Variants in SLC28A3 observed in about 807,000 individuals in gnomAD.
The protein encoded by SLC28A3 is solute carrier family 28 member 3.
SLC28A3 carries 68 observed loss-of-function variants against 84.2 expected under a neutral mutation model. The ratio of observed to expected loss-of-function variants is 0.81; its 90% CI spans 0.66 to 0.99. The LOEUF (loss-of-function observed/expected upper bound fraction) is 0.99, where lower values mean the gene tolerates loss of function less well. Ranked by LOEUF, SLC28A3 falls within the 50% of genes least tolerant of loss-of-function variation. SLC28A3 has a pLI of 0.00. For synonymous variants in SLC28A3, 267 were observed against 303.6 expected (o/e 0.88, Z 1.25); for missense variants, 712 against 841.5 (o/e 0.85, Z 1.90).
rs780637630 is a variant in SLC28A3 at position 84,288,029 on chromosome 9, G to T, written c.1280+19C>A. 6.2e-6 allele frequency: 10 copies of T among 1,613,390 alleles called. No homozygotes were observed. The Admixed American group carries it at 1.3e-4, about 22-fold the overall frequency. ...CCCGGCTTGGGTAGTCATTAATTAG[G>T]TGAATGTGTCACACTTACCCACTTT... On this transcript the variant is annotated intron_variant, in intron 12 of 17. Transcript: ENST00000376238.
intron 4 of SLC28A3, among the ~76,000 whole-genome samples, chr9:84,304,766 A>G (rs1469567574): frequency 6.6e-6 from 1 of 152,240 alleles, no homozygotes; most frequent in Non-Finnish European, 1.5e-5. Context: ...TCACGCTTGT[A>G]ATCCCAGTAC....
chr9:84,367,673 A>G, the SLC28A3 span, among the ~76,000 whole-genome samples: 2 of 152,188 alleles, frequency 1.3e-5, no homozygotes, highest in Non-Finnish European at 2.9e-5. Context: ...GCAGGAGAAC[A>G]GAGTGATGAT....
At chr9:84,331,613 C>T (rs924877568) in intron 1 of SLC28A3, among the ~76,000 whole-genome samples, 3 of 152,142 alleles carry the variant, frequency 2.0e-5, no homozygotes, top group Non-Finnish European at 4.4e-5. Flanking sequence ...CTAGTCCTCT[C>T]CCAAGACTTT....
intron 2 of SLC28A3, 73 bp downstream of exon 2, chr9:84,313,286 C>T (rs1826052332): frequency 2.3e-6 from 3 of 1,320,308 alleles, no homozygotes; most frequent in Middle Eastern, 4.4e-4. Flanking sequence ...GCTTTCTGTG[C>T]CCACTGTTCT....
intron 1 of SLC28A3, among the ~76,000 whole-genome samples, chr9:84,315,551 T>C (rs559440491): frequency 6.6e-6 from 1 of 152,342 alleles, no homozygotes; most frequent in Admixed American, 6.5e-5. Context: ...TGTTGAGGGA[T>C]AGAGTGGGCA....
chr9:84,301,349 CA>C (rs59917986), intron 5 of SLC28A3, among the ~76,000 whole-genome samples: 687 of 44,732 alleles, frequency 0.015, 1 homozygote, highest in Non-Finnish European at 0.024. Context: ...GACTCTGTCT[CA>C]AAAAAAAAAA....
intron 1 of SLC28A3, among the ~76,000 whole-genome samples, chr9:84,330,168 A>T (rs1285134022): frequency 6.6e-6 from 1 of 152,106 alleles, no homozygotes; most frequent in East Asian, 1.9e-4. Context: ...TAAGGGAAAA[A>T]AAAAGCTCAA....
chr9:84,346,228 T>C, the SLC28A3 span, among the ~76,000 whole-genome samples: 1 of 152,184 alleles, frequency 6.6e-6, no homozygotes, highest in Non-Finnish European at 1.5e-5. Flanking sequence ...TGCAAACTCA[T>C]GGACTGTCTA....
chr9:84,301,613 T>C (rs947512463), intron 5 of SLC28A3, among the ~76,000 whole-genome samples: 16 of 152,150 alleles, frequency 1.1e-4, no homozygotes, highest in Admixed American at 9.2e-4. Context: ...GGGTACAACT[T>C]GTGTAAGAAA....
chr9:84,319,913 C>T (rs775093963), intron 1 of SLC28A3, among the ~76,000 whole-genome samples: 7 of 152,062 alleles, frequency 4.6e-5, no homozygotes, highest in African/African-American at 9.7e-5. Context: ...CCCCCTTGAA[C>T]GCTAATATTT....
At chr9:84,301,904 A>G (rs897053572) in intron 5 of SLC28A3, among the ~76,000 whole-genome samples, 1 of 152,200 alleles carries the variant, frequency 6.6e-6, no homozygotes, top group Non-Finnish European at 1.5e-5. Context: ...TCTTCCTAAT[A>G]TAGCACATGG....
chr9:84,313,160 C>T (rs1010649628), intron 2 of SLC28A3, among the ~76,000 whole-genome samples, 199 bp downstream of exon 2: 1 of 152,204 alleles, frequency 6.6e-6, no homozygotes, highest in Non-Finnish European at 1.5e-5. Flanking sequence ...ACTCTGAGGA[C>T]AGGTGGATAA....
At chr9:84,284,823 G>A (rs1247991672) in intron 14 of SLC28A3, among the ~76,000 whole-genome samples, 1 of 152,132 alleles carries the variant, frequency 6.6e-6, no homozygotes, top group African/African-American at 2.4e-5. Context: ...CCTCATCCAC[G>A]TGGAGAGCAG....
At chr9:84,319,503 T>TA (rs1378847135) in intron 1 of SLC28A3, among the ~76,000 whole-genome samples, 4 of 152,062 alleles carry the variant, frequency 2.6e-5, no homozygotes, top group Non-Finnish European at 4.4e-5. Flanking sequence ...TGTCTCTCTA[T>TA]TTTTTTAAAT....
chr9:84,294,141 T>C, intron 9 of SLC28A3, 54 bp downstream of exon 9: 1 of 1,558,230 alleles, frequency 6.4e-7, no homozygotes, highest in Non-Finnish European at 8.8e-7. Context: ...GAGGACTTCG[T>C]GCCTGAGATA....
chr9:84,340,523 G>A, intron 1 of SLC28A3, 51 bp downstream of exon 1: 1 of 1,593,028 alleles, frequency 6.3e-7, no homozygotes, highest in Non-Finnish European at 8.6e-7. Flanking sequence ...GCTAAGGAAA[G>A]GGCAGCTTTT....
chr9:84,327,165 T>C (rs1826593804), intron 1 of SLC28A3, among the ~76,000 whole-genome samples: 1 of 152,152 alleles, frequency 6.6e-6, no homozygotes, highest in African/African-American at 2.4e-5. Context: ...CTTTCTCCTT[T>C]CCTTTTTCTG....
At chr9:84,302,090 A>G (rs1825653438) in intron 5 of SLC28A3, 110 bp downstream of exon 5, 1 of 1,006,530 alleles carries the variant, frequency 9.9e-7, no homozygotes, top group Non-Finnish European at 1.5e-6. Flanking sequence ...GGGTGTTTCT[A>G]GCTTCCATAT....
the SLC28A3 span, among the ~76,000 whole-genome samples, chr9:84,347,438 C>T: frequency 1.3e-5 from 2 of 152,066 alleles, no homozygotes; most frequent in Non-Finnish European, 1.5e-5. Context: ...TGAGCCCATG[C>T]CTGTGAAACC....
Sources: allele counts gnomAD v4.1 joint callset (sites outside exome capture counted in the v4.1 genomes callset), GRCh38; gene constraint gnomAD v4.1.1; transcripts MANE v1.5; gene names NCBI Gene and HGNC (gene_info 2026-07-23, HGNC 2026-07-21).